The following SNRPN variants were observed in gnomAD, a reference collection of about 807,000 sequenced individuals.
SNRPN encodes small nuclear ribonucleoprotein-associated protein N.
A neutral mutation model predicts 25.2 loss-of-function variants in SNRPN; 7 were observed. The ratio of observed to expected loss-of-function variants is 0.28; its 90% CI spans 0.16 to 0.52. The LOEUF (loss-of-function observed/expected upper bound fraction) is 0.52. Ranked by LOEUF, SNRPN falls within the 20% of genes least tolerant of loss-of-function variation. SNRPN has a pLI of 0.96. For missense variants in SNRPN, 196 were observed against 322.5 expected (o/e 0.61, Z 3.00); for synonymous variants, 124 against 110.6 (o/e 1.12, Z -0.76).
chr15:24,975,049 C>T (rs2076910084), intron 4 of SNRPN: 2 of 692,684 alleles, frequency 2.9e-6, no homozygotes, highest in Non-Finnish European at 5.3e-6. Context: ...AGAGAGAACA[C>T]CCTACATCAT....
intron 2 of SNRPN, among the ~76,000 whole-genome samples, chr15:24,888,094 C>CA (rs1303371428): frequency 6.7e-6 from 1 of 149,336 alleles, no homozygotes; most frequent in African/African-American, 2.4e-5. Context: ...TATAAAATGA[C>CA]AAATATATTA....
intron 1 of SNRPN, among the ~76,000 whole-genome samples, chr15:24,875,978 T>C (rs2055821787): frequency 6.6e-6 from 1 of 150,490 alleles, no homozygotes; most frequent in Non-Finnish European, 1.5e-5. Context: ...CGCTTGAACC[T>C]GGCAAGTGGA....
At chr15:24,969,793 A>G (rs551968481) in intron 3 of SNRPN, among the ~76,000 whole-genome samples, 2 of 152,196 alleles carry the variant, frequency 1.3e-5, no homozygotes, top group Non-Finnish European at 2.9e-5. Context: ...GTATTCCTGT[A>G]GAAGAAGGGT....
In SNRPN at chr15:24,922,981, C is replaced by T. The variant is rs1264927807; in HGVS notation, c.-391+2857C>T. 2.9e-5 allele frequency among the ~76,000 whole-genome samples: 4 copies of T among 139,140 alleles called. No individual in the cohort carries two copies. In the East Asian group the frequency reaches 9.6e-4, roughly 33 times the overall value. The allele number at this position is 139,140 out of a possible 152,430, so 91.3% of individuals were successfully genotyped here. ...AGTGCAGTGGCGCAATCTCAGCTCA[C>T]TGCAACCTCCGCCTTCTGCATTGAA... On this transcript the variant is annotated intron_variant, in intron 3 of 11. Transcript: ENST00000400097.
intron 2 of SNRPN, among the ~76,000 whole-genome samples, chr15:24,889,540 C>T (rs1318137537): frequency 6.8e-6 from 1 of 147,824 alleles, no homozygotes. Context: ...CTCCTGACCT[C>T]GTGATTCACC....
chr15:24,860,037 A>G (rs12901918), intron 1 of SNRPN, among the ~76,000 whole-genome samples: 16,644 of 152,076 alleles, frequency 0.11, 1,111 homozygotes, highest in South Asian at 0.32. Context: ...TGCCTTAACC[A>G]TCTGGGAATG....
upstream of SNRPN, among the ~76,000 whole-genome samples, chr15:24,950,171 C>T (rs899973049): frequency 6.6e-6 from 1 of 151,432 alleles, no homozygotes; most frequent in African/African-American, 2.4e-5. Context: ...GAGTTGTTTC[C>T]AGTTTTTAAC....
At chr15:24,919,542 A>G (rs2736707) in intron 2 of SNRPN, among the ~76,000 whole-genome samples, 110,598 of 152,038 alleles carry the variant, frequency 0.73, 40,351 homozygotes, top group South Asian at 0.82. Context: ...CAAACAGCGT[A>G]GGCAAGCGGA....
chr15:24,956,500 G>C (rs975071757), intron 1 of SNRPN, among the ~76,000 whole-genome samples: 27 of 152,172 alleles, frequency 1.8e-4, no homozygotes, highest in Non-Finnish European at 2.9e-5. Context: ...GTGGGCGGCT[G>C]CCCCCTCCCC....
chr15:24,833,018 T>C (rs4392043), intron 2 of SNRPN, among the ~76,000 whole-genome samples: 84,611 of 146,808 alleles, frequency 0.58, 24,166 homozygotes, highest in East Asian at 0.83. Context: ...GGCAGGAGAA[T>C]GGCATGAACC....
intron 3 of SNRPN, among the ~76,000 whole-genome samples, chr15:24,923,627 T>TA (rs1227339654): frequency 6.6e-6 from 1 of 152,184 alleles, no homozygotes; most frequent in African/African-American, 2.4e-5. Context: ...CAACTATAAA[T>TA]AAAAAATAAT....
rs199698002 is a variant in SNRPN at position 24,838,042 on chromosome 15, T to TA, written c.-579+8137_-579+8138insA. On this transcript the variant is annotated intron_variant, in intron 2 of 12. Coordinates refer to the SNRPN transcript ENST00000400100. Reference sequence around the variant, plus strand: ...CCGGCCAACTCTTTATTTATTTATTTTTTTTTTTTTGAGACGGAGTCTCGC... The same window carrying TA: ...CCGGCCAACTCTTTATTTATTTATTTATTTTTTTTTTGAGACGGAGTCTCGC... 9.6e-3 allele frequency among the ~76,000 whole-genome samples: 1,442 copies of TA among 149,466 alleles called. 22 individuals carry two copies. The highest frequency in any genetic ancestry group is 0.051 in the East Asian group (253 of 4,990).
In SNRPN at chr15:24,961,967, G is replaced by T; in HGVS notation, c.-390-147G>T. 2 of 783,618 alleles carry T rather than the reference G, an allele frequency of 2.6e-6. 1 individual carries two copies. Among genetic ancestry groups the T allele is most frequent in the South Asian group, 3.0e-5 (2 of 67,788 alleles). The allele number at this position is 783,618 out of a possible 1,614,324, so 48.5% of individuals were successfully genotyped here. ...TAGCATAGATTATGACTGTTTGAAGGTTAAAGATCTTGTAATAATTTTACC... is the reference window on the plus strand; with the variant it reads ...TAGCATAGATTATGACTGTTTGAAGTTTAAAGATCTTGTAATAATTTTACC... On this transcript the variant is annotated intron_variant, in intron 1 of 9. Coordinates refer to ENST00000390687, the MANE Select transcript of SNRPN (RefSeq NM_003097.6).
intron 2 of SNRPN, among the ~76,000 whole-genome samples, chr15:24,902,305 G>A (rs907351458): frequency 6.6e-6 from 1 of 152,160 alleles, no homozygotes; most frequent in Non-Finnish European, 1.5e-5. Context: ...AATTTCAGAT[G>A]TATAGGAATG....
intron 1 of SNRPN, among the ~76,000 whole-genome samples, chr15:24,864,314 C>T (rs1378723189): frequency 6.7e-6 from 1 of 148,800 alleles, no homozygotes; most frequent in African/African-American, 2.5e-5. Context: ...AGGCAAGAAC[C>T]GCCGCTCCCG....
intron 2 of SNRPN, among the ~76,000 whole-genome samples, chr15:24,918,604 A>G (rs1373597116): frequency 1.9e-5 from 2 of 106,520 alleles, no homozygotes; most frequent in East Asian, 5.0e-4. Context: ...ATGTATATAT[A>G]TAACATAATA....
intron 2 of SNRPN, chr15:24,909,701 T>C: frequency 1.6e-6 from 2 of 1,233,894 alleles, no homozygotes; most frequent in Admixed American, 3.4e-5. Context: ...GTATTTATTT[T>C]TATCCTGTAT....
intron 3 of SNRPN, among the ~76,000 whole-genome samples, chr15:24,925,063 T>C (rs148857866): frequency 4.6e-5 from 7 of 152,152 alleles, no homozygotes; most frequent in Non-Finnish European, 1.0e-4. Flanking sequence ...ACACAGTAAG[T>C]ACACAATCAT....
At chr15:24,897,712 T>G (rs1357342016) in intron 2 of SNRPN, among the ~76,000 whole-genome samples, 1 of 152,184 alleles carries the variant, frequency 6.6e-6, no homozygotes, top group Non-Finnish European at 1.5e-5. Context: ...TGGTCATGAA[T>G]AAGTCTCATT....
Sources: gnomAD v4.1 joint callset for allele counts (sites outside exome capture counted in the v4.1 genomes callset) on GRCh38, gnomAD v4.1.1 for gene constraint, MANE v1.5 for transcripts, NCBI Gene and HGNC (gene_info 2026-07-23, HGNC 2026-07-21) for gene names.